Variants in IL33 observed in about 807,000 individuals in gnomAD.
IL33 encodes interleukin 33.
Under a neutral mutation model 27.3 loss-of-function variants are expected in IL33, and 37 were observed. That is an observed-to-expected ratio of 1.36 (90% CI 1.04 to 1.78). The LOEUF is 1.78. IL33 is among the 40% of genes most tolerant of loss of function. IL33 has a pLI of 0.00. For synonymous variants in IL33, 132 were observed against 102.9 expected (o/e 1.28, Z -1.71); for missense variants, 406 against 311.4 (o/e 1.30, Z -2.29).
intron 1 of IL33, among the ~76,000 whole-genome samples, chr9:6,220,378 T>G (rs1051902831): frequency 1.3e-5 from 2 of 152,226 alleles, no homozygotes; most frequent in Admixed American, 1.3e-4. Context: ...AAAGATTCAA[T>G]ATTTCCTTAG....
At chr9:6,249,663 G>C (rs1816215174) in intron 2 of IL33, among the ~76,000 whole-genome samples, 1 of 152,126 alleles carries the variant, frequency 6.6e-6, no homozygotes, top group Non-Finnish European at 1.5e-5. Context: ...GGCGGTAAGT[G>C]GATGGTGGTG....
intron 1 of IL33, among the ~76,000 whole-genome samples, chr9:6,237,241 A>C (rs1819272986): frequency 6.6e-6 from 1 of 152,222 alleles, no homozygotes; most frequent in Non-Finnish European, 1.5e-5. Flanking sequence ...ATGTTCTGAA[A>C]TATTTCTGAT....
At position 6,250,609 on chromosome 9, in the gene IL33, A is replaced by G; in HGVS notation, c.217+10A>G. On this transcript the variant is annotated intron_variant, in intron 3 of 7. Transcript: ENST00000682010. ...CCTTCACTGAAAACAGGTAAGGGGA[A>G]CCGTACATTCTCTGGCAATAGTGAT... 1.9e-6 allele frequency: 3 copies of G among 1,610,868 alleles called. No individual in the cohort carries two copies. The highest frequency in any genetic ancestry group is 2.5e-6 in the Non-Finnish European group (3 of 1,178,966).
At chr9:6,248,489 T>G (rs1297077275) in intron 2 of IL33, among the ~76,000 whole-genome samples, 2 of 152,172 alleles carry the variant, frequency 1.3e-5, no homozygotes, top group African/African-American at 2.4e-5. Flanking sequence ...CACTGCTGCC[T>G]TCCACCATCA....
In IL33 at chr9:6,250,503, C is replaced by G. The variant is rs1399814792; in HGVS notation, c.121C>G (p.Pro41Ala). The G allele has an allele frequency of 8.7e-6, 14 of 1,613,642 alleles. No homozygotes were observed. Reference sequence around the variant, plus strand: ...CCAACAGAAGGCCAAAGAAGTTTGCCCCATGTACTTTATGAAGCTCCGCTC... The same window carrying G: ...CCAACAGAAGGCCAAAGAAGTTTGCGCCATGTACTTTATGAAGCTCCGCTC... Reference protein sequence around the residue: ...KSQQKAKEVCPMYFMKLRSGL... With the variant: ...KSQQKAKEVCAMYFMKLRSGL... Residue 41 changes from proline to alanine, a missense_variant, in exon 3 of 8, where the codon CCC (proline) becomes GCC (alanine). Physicochemically the swap from Pro to Ala is conservative, Grantham distance 27. Coordinates refer to ENST00000682010, the MANE Select transcript of IL33 (RefSeq NM_033439.4).
intron 2 of IL33, among the ~76,000 whole-genome samples, chr9:6,249,645 T>C (rs1375069935): frequency 6.6e-6 from 1 of 152,232 alleles, no homozygotes; most frequent in Non-Finnish European, 1.5e-5. Flanking sequence ...TGTAGCATTT[T>C]CTTAGATGGC....
At chr9:6,236,298 AAG>A (rs1819203093) in intron 1 of IL33, among the ~76,000 whole-genome samples, 1 of 152,204 alleles carries the variant, frequency 6.6e-6, no homozygotes, top group Non-Finnish European at 1.5e-5. Context: ...TTTTAAATAA[AAG>A]AGATGTGTAT....
Position 6,252,958 on chromosome 9 carries a change from T to G in IL33, c.436T>G (p.Tyr146Asp). Residue 146 changes from tyrosine to aspartate, a missense_variant, in exon 5 of 8, where the codon TAT becomes GAT. Coordinates refer to ENST00000682010, the MANE Select transcript of IL33 (RefSeq NM_033439.4). ...FALEDESYEI[Y>D]VEDLKKDEKK... is the part of the protein sequence containing the mutation. ...TTTGGAGGATGAAAGTTATGAGATATATGTTGAAGACTTGAAAAAAGATGA... is the reference window on the plus strand; with the variant it reads ...TTTGGAGGATGAAAGTTATGAGATAGATGTTGAAGACTTGAAAAAAGATGA... The G allele has an allele frequency of 6.3e-7, 1 of 1,579,190 alleles. No individual in the cohort carries two copies. Among genetic ancestry groups the G allele is most frequent in the Non-Finnish European group, 8.7e-7 (1 of 1,154,056 alleles).
chr9:6,253,259 T>C (rs949522839), intron 5 of IL33, among the ~76,000 whole-genome samples: 4 of 152,184 alleles, frequency 2.6e-5, no homozygotes, highest in Non-Finnish European at 4.4e-5. Context: ...GCCACATGTA[T>C]TTGCTATCTC....
At chr9:6,231,790 T>A (rs770447183) in intron 1 of IL33, among the ~76,000 whole-genome samples, 1 of 152,174 alleles carries the variant, frequency 6.6e-6, no homozygotes, top group Non-Finnish European at 1.5e-5. Context: ...GCCCTCAGGA[T>A]CTCGAGGAGG....
intron 2 of IL33, among the ~76,000 whole-genome samples, chr9:6,245,609 G>T (rs1460694700): frequency 6.6e-6 from 1 of 152,164 alleles, no homozygotes; most frequent in Non-Finnish European, 1.5e-5. Context: ...TAATCTAAGG[G>T]ACTAATGATG....
chr9:6,237,045 G>A (rs1430870175), intron 1 of IL33, among the ~76,000 whole-genome samples: 2 of 152,170 alleles, frequency 1.3e-5, no homozygotes, highest in Admixed American at 6.5e-5. Flanking sequence ...ATGTGTGTGT[G>A]TGTCTATATA....
In IL33 at chr9:6,256,417, C is replaced by A; in HGVS notation, c.*249C>A. The A allele has an allele frequency of 5.9e-6, 3 of 511,730 alleles. No homozygotes were observed. In the South Asian group the frequency reaches 1.1e-4, roughly 19 times the overall value. The allele number at this position is 511,730 out of a possible 1,614,324, so 31.7% of individuals were successfully genotyped here. A position where few individuals can be genotyped will look rare whatever the true frequency, so the allele number is the denominator to read the frequency against. On this transcript the variant is annotated 3_prime_UTR_variant, in exon 8 of 8. Transcript: ENST00000682010. ...AATAGGGTATTGGTAAAGAAACGGT[C>A]AACATTCTAAAGAGATACAGTCTGA... is the stretch of plus-strand genomic sequence containing the variant.
At chr9:6,226,409 T>G (rs371831233) in intron 1 of IL33, among the ~76,000 whole-genome samples, 29 of 152,170 alleles carry the variant, frequency 1.9e-4, no homozygotes, top group African/African-American at 6.8e-4. Flanking sequence ...CAGCCATTAT[T>G]TCTTTAAATG....
intron 6 of IL33, 114 bp downstream of exon 6, chr9:6,253,716 C>A (rs1816554183): frequency 4.3e-6 from 3 of 691,308 alleles, no homozygotes; most frequent in South Asian, 4.2e-5. Context: ...AGAAGGTTAT[C>A]TCCAACCCAA....
chr9:6,217,011 G>A (rs1044727348), intron 1 of IL33, among the ~76,000 whole-genome samples: 1 of 152,146 alleles, frequency 6.6e-6, no homozygotes, highest in African/African-American at 2.4e-5. Context: ...AAATTTGGAG[G>A]CTAGGGTTTT....
intron 1 of IL33, among the ~76,000 whole-genome samples, chr9:6,217,708 T>A (rs1818204626): frequency 6.6e-6 from 1 of 152,232 alleles, no homozygotes; most frequent in Admixed American, 6.5e-5. Flanking sequence ...GATTGTTTTC[T>A]TTTCTTTATT....
At position 6,256,324 on chromosome 9, in the gene IL33, T is replaced by G. The variant is rs1816729003; in HGVS notation, c.*156T>G. On this transcript the variant is annotated 3_prime_UTR_variant, in exon 8 of 8. Transcript: ENST00000682010. The stretch of plus-strand genomic sequence containing the variant: ...ATATTATGTATAAAAATATTTTTTC[T>G]AATCCTCCAGTTATTCTTTTATTTC... 2 of 597,936 alleles carry G rather than the reference T, an allele frequency of 3.3e-6. No individual in the cohort carries two copies. Among genetic ancestry groups the G allele is most frequent in the Non-Finnish European group, 5.8e-6 (2 of 342,140 alleles). 37.0% of individuals were successfully genotyped at this position (597,936 alleles called of 1,614,324 possible).
At chr9:6,246,063 CAAAAAAAAAAAAAAA>C (rs71328183) in intron 2 of IL33, among the ~76,000 whole-genome samples, 6 of 49,600 alleles carry the variant, frequency 1.2e-4, no homozygotes, top group African/African-American at 1.7e-4. Flanking sequence ...ACTCTGTCTC[CAAAAAAAAAAAAAAA>C]AAAAAAAAAA....
Sources: gnomAD v4.1 joint callset for allele counts (sites outside exome capture counted in the v4.1 genomes callset) on GRCh38, gnomAD v4.1.1 for gene constraint, MANE v1.5 for transcripts, NCBI Gene and HGNC (gene_info 2026-07-23, HGNC 2026-07-21) for gene names.